The following TEX9 variants were observed in gnomAD, a reference collection of about 807,000 sequenced individuals.
TEX9 encodes testis expressed 9.
Under a neutral mutation model 59.6 loss-of-function variants are expected in TEX9, and 74 were observed. The ratio of observed to expected loss-of-function variants is 1.24; its 90% CI spans 1.03 to 1.51. The LOEUF (loss-of-function observed/expected upper bound fraction) is 1.51, where lower values mean the gene tolerates loss of function less well. Ranked by LOEUF, TEX9 falls within the 40% of genes most tolerant of loss-of-function variation. The probability of loss-of-function intolerance (pLI) is 0.00; values close to 1 mark genes in which losing one functional copy is unlikely to be tolerated. For missense variants in TEX9, 522 were observed against 447.8 expected (o/e 1.17, Z -1.49); for synonymous variants, 186 against 152.2 (o/e 1.22, Z -1.64).
the TEX9 span, among the ~76,000 whole-genome samples, chr15:56,455,247 G>GAAA: frequency 3.6e-4 from 30 of 82,872 alleles, no homozygotes; most frequent in Non-Finnish European, 5.0e-4. Flanking sequence ...ATCGTCAGGT[G>GAAA]AAAAAAAAAA....
intron 10 of TEX9, among the ~76,000 whole-genome samples, chr15:56,416,764 T>C (rs2049706570): frequency 6.6e-6 from 1 of 151,892 alleles, no homozygotes; most frequent in Admixed American, 6.6e-5. Context: ...TTTTTTGGAA[T>C]AGTTTCTGTA....
At chr15:56,411,157 C>G (rs1231832918) in intron 9 of TEX9, among the ~76,000 whole-genome samples, 2 of 152,128 alleles carry the variant, frequency 1.3e-5, no homozygotes, top group Non-Finnish European at 2.9e-5. Flanking sequence ...TTGAGTAAGG[C>G]TCTGGACTAG....
upstream of TEX9, among the ~76,000 whole-genome samples, chr15:56,362,915 A>T (rs184920630): frequency 1.3e-5 from 2 of 152,354 alleles, no homozygotes; most frequent in East Asian, 3.9e-4. Context: ...ATATTGTGGT[A>T]TACATGTACT....
downstream of TEX9, among the ~76,000 whole-genome samples, chr15:56,448,608 A>G (rs564894192): frequency 2.0e-5 from 3 of 152,186 alleles, no homozygotes; most frequent in Admixed American, 1.3e-4. Context: ...GTATATATGT[A>G]CCACATTTTC....
rs1268490486 is a variant in TEX9 at position 56,412,300 on chromosome 15, A to G, written c.829-2A>G. 2 of 1,600,618 alleles carry G rather than the reference A, an allele frequency of 1.2e-6. No individual in the cohort carries two copies. Among genetic ancestry groups the G allele is most frequent in the Admixed American group, 1.8e-5 (1 of 56,440 alleles). On this transcript the variant is annotated splice_acceptor_variant, in intron 9 of 12. Transcript: ENST00000352903. LOFTEE classifies it high-confidence loss of function. ...TGTTCCATAATCTTTTTTACTATAC[A>G]GGAATTAGAAAATAAAAGAAGACTG... is the stretch of plus-strand genomic sequence containing the variant.
chr15:56,316,849 G>A (rs2045781276), intron 1 of TEX9, among the ~76,000 whole-genome samples: 2 of 152,318 alleles, frequency 1.3e-5, no homozygotes, highest in South Asian at 2.1e-4. Flanking sequence ...ATATAATCTC[G>A]TGGTGCATCG....
chr15:56,299,776 ACG>A (rs1322386895), intron 1 of TEX9, among the ~76,000 whole-genome samples: 5 of 152,058 alleles, frequency 3.3e-5, no homozygotes, highest in Non-Finnish European at 7.4e-5. Context: ...ATTTCTAGAC[ACG>A]CCCTGAGCCA....
intron 3 of TEX9, among the ~76,000 whole-genome samples, chr15:56,383,626 G>T (rs1461563903): frequency 6.6e-6 from 1 of 152,064 alleles, no homozygotes; most frequent in African/African-American, 2.4e-5. Flanking sequence ...TAAATTTCTT[G>T]TGCCTCCTTC....
Position 56,415,311 on chromosome 15 carries a change from G to A in TEX9, c.963+2875G>A, listed in dbSNP as rs796251501. ...TGTCTTTGTCGTGAAATCTTTGCCC[G>A]TTCCTATGTCCAAAATGGTATTGCC... On this transcript the variant is annotated intron_variant, in intron 10 of 12. Transcript: ENST00000352903. Among the ~76,000 whole-genome samples the A allele has an allele frequency of 2.6e-4, 40 of 151,776 alleles. 1 individual carries two copies. The highest frequency in any genetic ancestry group is 8.7e-4 in the African/African-American group (36 of 41,208).
intron 12 of TEX9, chr15:56,444,415 G>T: frequency 1.3e-6 from 2 of 1,566,540 alleles, no homozygotes; most frequent in South Asian, 1.2e-5. Context: ...TAAACATTTA[G>T]ACATGTAAGA....
intron 1 of TEX9, among the ~76,000 whole-genome samples, chr15:56,248,107 T>C (rs1479333295): frequency 6.6e-6 from 1 of 152,202 alleles, no homozygotes; most frequent in Non-Finnish European, 1.5e-5. Context: ...TGCTGTAATG[T>C]GATTGAGCTT....
intron 1 of TEX9, among the ~76,000 whole-genome samples, chr15:56,340,993 T>C (rs1388312965): frequency 2.0e-5 from 3 of 152,198 alleles, no homozygotes; most frequent in Non-Finnish European, 4.4e-5. Flanking sequence ...TTTAGAATAC[T>C]TAACCCAAGT....
chr15:56,437,583 C>T (rs2140340416), intron 12 of TEX9, among the ~76,000 whole-genome samples: 2 of 152,258 alleles, frequency 1.3e-5, no homozygotes, highest in African/African-American at 4.8e-5. Flanking sequence ...TCTCACCACT[C>T]CTATTCAACA....
intron 10 of TEX9, chr15:56,421,884 G>T (rs1377136072): frequency 6.6e-6 from 1 of 151,506 alleles, no homozygotes; most frequent in Non-Finnish European, 1.5e-5. Context: ...CATTTGGGTT[G>T]GTTCCAACTC....
At chr15:56,352,863 A>G (rs1355346461) in intron 1 of TEX9, among the ~76,000 whole-genome samples, 1 of 152,206 alleles carries the variant, frequency 6.6e-6, no homozygotes, top group African/African-American at 2.4e-5. Flanking sequence ...TTGAGCTCTG[A>G]TACATAGTTT....
At chr15:56,406,522 A>C (rs2049088531) in intron 9 of TEX9, among the ~76,000 whole-genome samples, 1 of 152,186 alleles carries the variant, frequency 6.6e-6, no homozygotes, top group Admixed American at 6.5e-5. Flanking sequence ...AGAAACTGCT[A>C]AACTGTGTTC....
chr15:56,409,359 C>T (rs2049236339), intron 9 of TEX9, among the ~76,000 whole-genome samples: 1 of 152,158 alleles, frequency 6.6e-6, no homozygotes, highest in Admixed American at 6.5e-5. Context: ...CTTATCAAAA[C>T]CTAACACTGT....
intron 7 of TEX9, 84 bp downstream of exon 7, chr15:56,391,502 T>TA (rs2048209111): frequency 9.4e-6 from 9 of 956,270 alleles, no homozygotes; most frequent in Admixed American, 3.1e-5. Context: ...TTCTTCCATT[T>TA]AAAAAAATGT....
chr15:56,415,556 A>G (rs1282844346), intron 10 of TEX9, among the ~76,000 whole-genome samples: 1 of 151,676 alleles, frequency 6.6e-6, no homozygotes, highest in Non-Finnish European at 1.5e-5. Context: ...GGCCTTATTT[A>G]TGGGCCCTCT....
Sources: gnomAD v4.1 joint callset for allele counts (sites outside exome capture counted in the v4.1 genomes callset) on GRCh38, gnomAD v4.1.1 for gene constraint, MANE v1.5 for transcripts, NCBI Gene and HGNC (gene_info 2026-07-23, HGNC 2026-07-21) for gene names.